SOAT1: variants seen among roughly 807,000 people sequenced by gnomAD.
SOAT1 encodes the protein acyl-coenzyme A:cholesterol acyltransferase 1.
A neutral mutation model predicts 69.5 loss-of-function variants in SOAT1; 55 were observed. That is an observed-to-expected ratio of 0.79 (90% CI 0.64 to 0.99). SOAT1 has a LOEUF of 0.99. SOAT1 is among the 50% of genes least tolerant of loss of function. The pLI, the probability that SOAT1 is intolerant of heterozygous loss-of-function variation, is 0.00. For missense variants in SOAT1, 580 were observed against 669.3 expected (o/e 0.87, Z 1.47); for synonymous variants, 231 against 224.7 (o/e 1.03, Z -0.25).
At chr1:179,323,309 G>A in intron 2 of SOAT1, 128 bp from the exon 3 acceptor site, 1 of 677,262 alleles carries the variant, frequency 1.5e-6, no homozygotes, top group Non-Finnish European at 2.5e-6. Flanking sequence ...ATGCTGTCGT[G>A]TTTTATGGTT....
At chr1:179,327,859 G>C (rs187783235) in intron 3 of SOAT1, among the ~76,000 whole-genome samples, 1 of 152,154 alleles carries the variant, frequency 6.6e-6, no homozygotes, top group African/African-American at 2.4e-5. Context: ...GGTTTGAACT[G>C]ACTGAATCTC....
intron 1 of SOAT1, among the ~76,000 whole-genome samples, chr1:179,298,355 T>A (rs1664724848): frequency 6.6e-6 from 1 of 152,176 alleles, no homozygotes; most frequent in South Asian, 2.1e-4. Context: ...CCCAAAGTGC[T>A]GGGATTACAG....
chr1:179,340,906 G>A (rs755926126), intron 6 of SOAT1, 122 bp from the exon 7 acceptor site: 105 of 787,192 alleles, frequency 1.3e-4, no homozygotes, highest in Non-Finnish European at 1.9e-4. Context: ...TGACTTCAGC[G>A]TATTAACGTT....
intron 3 of SOAT1, among the ~76,000 whole-genome samples, chr1:179,334,683 A>G (rs1666084253): frequency 1.3e-5 from 2 of 152,304 alleles, no homozygotes; most frequent in African/African-American, 4.8e-5. Context: ...CTGAGGTGTC[A>G]GAGGTTGGGG....
intron 4 of SOAT1, 140 bp downstream of exon 4, chr1:179,335,797 T>C (rs1423974930): frequency 1.4e-6 from 1 of 731,712 alleles, no homozygotes; most frequent in Non-Finnish European, 2.1e-6. Context: ...GAAAGTTACT[T>C]AACCATTTGA....
chr1:179,297,229 A>T (rs1664679764), intron 1 of SOAT1, among the ~76,000 whole-genome samples: 1 of 152,192 alleles, frequency 6.6e-6, no homozygotes, highest in Admixed American at 6.5e-5. Flanking sequence ...TCCTCAACTT[A>T]CTGGCGGTGT....
chr1:179,334,668 A>G (rs1198479477), intron 3 of SOAT1, among the ~76,000 whole-genome samples: 1 of 152,190 alleles, frequency 6.6e-6, no homozygotes, highest in Non-Finnish European at 1.5e-5. Flanking sequence ...GACATTCTGT[A>G]CCGTCTGAGG....
intron 4 of SOAT1, among the ~76,000 whole-genome samples, chr1:179,336,333 C>A (rs1666152335): frequency 6.6e-6 from 1 of 150,474 alleles, no homozygotes; most frequent in African/African-American, 2.4e-5. Context: ...CGTGGTCGTG[C>A]ACGCCTGTCG....
rs1355373237 is a variant in SOAT1, at chr1:179,345,082, A to G, written c.1117+6A>G. On this transcript the variant is annotated splice_donor_region_variant and intron_variant, in intron 11 of 15. Transcript: ENST00000367619. Reference sequence around the variant, plus strand: ...ATTTAACTCCATCTTGCCAGGTAACATGGGTACTTGTTAATTTGGTCATGC... The same window carrying G: ...ATTTAACTCCATCTTGCCAGGTAACGTGGGTACTTGTTAATTTGGTCATGC... The G allele has an allele frequency of 2.5e-6, 4 of 1,613,418 alleles. No individual in the cohort carries two copies. In the South Asian group the frequency reaches 3.3e-5, roughly 13 times the overall value.
intron 2 of SOAT1, among the ~76,000 whole-genome samples, chr1:179,303,646 T>C (rs892001087): frequency 6.6e-6 from 1 of 152,238 alleles, no homozygotes; most frequent in East Asian, 1.9e-4. Flanking sequence ...CCACCAGGAA[T>C]GTAAACATTG....
Position 179,323,455 on chromosome 1 carries a change from A to G in SOAT1, c.137A>G (p.Gln46Arg), listed in dbSNP as rs1665676787. Residue 46 changes from glutamine to arginine, a missense_variant, in exon 3 of 16, where the codon CAG (glutamine) becomes CGG (arginine). Transcript: ENST00000367619. ...TPSNGRIDIK[Q>R]LIAKKIKLTA... ...CCCGTAGGTCGAATTGACATAAAACAGTTGATAGCAAAGAAGATAAAGTTG... is the reference window on the plus strand; with the variant it reads ...CCCGTAGGTCGAATTGACATAAAACGGTTGATAGCAAAGAAGATAAAGTTG... 1 of 1,613,940 alleles carries G rather than the reference A, an allele frequency of 6.2e-7. No individual in the cohort carries two copies. The highest frequency in any genetic ancestry group is 1.1e-5 in the South Asian group (1 of 91,048).
At chr1:179,323,161 A>G (rs941454962) in intron 2 of SOAT1, among the ~76,000 whole-genome samples, 2 of 150,534 alleles carry the variant, frequency 1.3e-5, no homozygotes, top group Admixed American at 6.7e-5. Context: ...GAATCTGTTC[A>G]GGGAATCTAA....
chr1:179,309,641 A>T (rs1571411040), intron 2 of SOAT1, among the ~76,000 whole-genome samples: 2 of 151,690 alleles, frequency 1.3e-5, no homozygotes, highest in East Asian at 1.9e-4. Flanking sequence ...TTGACCATGT[A>T]TTTTTTTTCT....
At chr1:179,294,013 C>A (rs1220252890) in intron 1 of SOAT1, 77 bp downstream of exon 1, 2 of 147,624 alleles carry the variant, frequency 1.4e-5, no homozygotes. Flanking sequence ...AAGGGAGAAG[C>A]GGTGGCGGCA....
At position 179,353,662 on chromosome 1, in the gene SOAT1, C is replaced by A; in HGVS notation, c.*21C>A. ...TTTAGAAGCTTGGACTTTGTTTCCTCCTTGTCACTGAAGATTGGGTAGCTC... is the reference window on the plus strand; with the variant it reads ...TTTAGAAGCTTGGACTTTGTTTCCTACTTGTCACTGAAGATTGGGTAGCTC... On this transcript the variant is annotated 3_prime_UTR_variant, in exon 16 of 16. Coordinates refer to ENST00000367619, the MANE Select transcript of SOAT1 (RefSeq NM_003101.6). 1.2e-6 allele frequency: 2 copies of A among 1,600,404 alleles called. No homozygotes were observed. Among genetic ancestry groups the A allele is most frequent in the Non-Finnish European group, 8.6e-7 (1 of 1,167,902 alleles).
intron 9 of SOAT1, 103 bp from the exon 10 acceptor site, chr1:179,343,487 G>T: frequency 1.1e-6 from 1 of 912,856 alleles, no homozygotes; most frequent in Non-Finnish European, 1.7e-6. Context: ...TGGATTACAG[G>T]TGTGAGCCAC....
At chr1:179,323,718 C>T (rs1034624321) in intron 3 of SOAT1, among the ~76,000 whole-genome samples, 1 of 152,196 alleles carries the variant, frequency 6.6e-6, no homozygotes, top group Non-Finnish European at 1.5e-5. Context: ...TTTTCTGTCT[C>T]TTACCAGCAA....
intron 14 of SOAT1, among the ~76,000 whole-genome samples, chr1:179,351,047 T>TGAGACAGAG (rs1558060682): frequency 7.6e-6 from 1 of 131,824 alleles, no homozygotes; most frequent in Non-Finnish European, 1.6e-5. Flanking sequence ...TTTTTTTTTT[T>TGAGACAGAG]TTTTTTTTTT....
intron 10 of SOAT1, among the ~76,000 whole-genome samples, chr1:179,343,872 C>T (rs1395523273): frequency 6.6e-6 from 1 of 152,104 alleles, no homozygotes. Flanking sequence ...CCTGTAATCC[C>T]AGCACTTTGG....
Sources: allele counts gnomAD v4.1 joint callset (sites outside exome capture counted in the v4.1 genomes callset), GRCh38; gene constraint gnomAD v4.1.1; transcripts MANE v1.5; gene names NCBI Gene and HGNC (gene_info 2026-07-23, HGNC 2026-07-21).